The following CLU variants were observed in gnomAD, a reference collection of about 807,000 sequenced individuals.
The protein encoded by CLU is aging-associated protein 4.
A neutral mutation model predicts 46.4 loss-of-function variants in CLU; 25 were observed. The observed-to-expected ratio is 0.54, with a 90% confidence interval of 0.39 to 0.75. CLU has a LOEUF of 0.75. Ranked by LOEUF, CLU falls within the 30% of genes least tolerant of loss-of-function variation. The pLI is 0.00. For synonymous variants in CLU, 235 were observed against 235.1 expected, an observed-to-expected ratio of 1.00 and a Z score of 0.00; for missense variants, 504 against 592.1, an observed-to-expected ratio of 0.85 and a Z score of 1.54.
rs201024088 is a variant in CLU, at chr8:27,599,817, G to A, written c.1127C>T (p.Thr376Met). The part of the protein sequence containing the change: ...FNWVSRLANL[T>M]QGEDQYYLRV... Reference sequence around the variant, plus strand: ...CAGATAGTACTGGTCTTCGCCTTGCGTGAGGTTTGCCAGCCGGGACACCCA... The same window carrying A: ...CAGATAGTACTGGTCTTCGCCTTGCATGAGGTTTGCCAGCCGGGACACCCA... Residue 376 changes from threonine to methionine, a missense_variant, in exon 7 of 9, where the codon ACG becomes ATG. Transcript: ENST00000316403. This position sits in a 1 kb window ranked among gnomAD's most constrained non-coding sequence, Gnocchi z 4.0. 1.4e-5 allele frequency: 23 copies of A among 1,613,822 alleles called. No individual in the cohort carries two copies. Among genetic ancestry groups the A allele is most frequent in the African/African-American group, 8.0e-5 (6 of 75,044 alleles).
At chr8:27,598,664 CT>C (rs1257683721) in intron 7 of CLU, 29 bp from the exon 8 acceptor site, 15 of 1,610,006 alleles carry the variant, frequency 9.3e-6, no homozygotes, top group Non-Finnish European at 1.2e-5. Context: ...AAGGGAAGAG[CT>C]GAAACACTGT....
rs780858365 is a variant in CLU, at chr8:27,608,920, G to A, written c.246+18C>T. 3 of 1,613,894 alleles carry A rather than the reference G, an allele frequency of 1.9e-6. No individual in the cohort carries two copies. Among genetic ancestry groups the A allele is most frequent in the African/African-American group, 1.3e-5 (1 of 74,928 alleles). On this transcript the variant is annotated intron_variant, in intron 3 of 8. Coordinates refer to ENST00000316403, the MANE Select transcript of CLU (RefSeq NM_001831.4). ...GTGGGATGGTCAAGGCAGGGAGGCG[G>A]TAGCGGCTCCTCCTGACCTCTTTCT...
chr8:27,608,841 G>A (rs1410806232), intron 3 of CLU, 97 bp downstream of exon 3: 2 of 1,339,390 alleles, frequency 1.5e-6, no homozygotes, highest in African/African-American at 1.4e-5. Context: ...AGGACTGCGG[G>A]TCACCATGGC....
At chr8:27,613,005 C>T (rs912527898) in intron 1 of CLU, among the ~76,000 whole-genome samples, 1 of 151,566 alleles carries the variant, frequency 6.6e-6, no homozygotes, top group Non-Finnish European at 1.5e-5. Context: ...TTGGGAGCAA[C>T]TCCCCTCCAG....
intron 4 of CLU, 69 bp from the exon 5 acceptor site, chr8:27,605,404 C>G (rs987020452): frequency 3.2e-6 from 5 of 1,558,358 alleles, no homozygotes; most frequent in Non-Finnish European, 3.5e-6. Context: ...CCTCCCACCC[C>G]CTGGTGAGCC....
In CLU at chr8:27,598,045, T is replaced by A; in HGVS notation, c.*196A>T. On this transcript the variant is annotated 3_prime_UTR_variant, in exon 9 of 9. Coordinates refer to ENST00000316403, the MANE Select transcript of CLU (RefSeq NM_001831.4). Reference sequence around the variant, plus strand: ...AATTAGTTGCATGCAGGAGCAATTCTGTTCTTCCCATGAGCAGCAGAGTCG... The same window carrying A: ...AATTAGTTGCATGCAGGAGCAATTCAGTTCTTCCCATGAGCAGCAGAGTCG... 1.4e-6 allele frequency: 1 copy of A among 706,630 alleles called. No homozygotes were observed. The highest frequency in any genetic ancestry group is 2.6e-6 in the Non-Finnish European group (1 of 384,146). The allele number at this position is 706,630 out of a possible 1,614,324, so 43.8% of individuals were successfully genotyped here.
At chr8:27,600,160 A>C (rs1800695065) in intron 6 of CLU, 151 bp from the exon 7 acceptor site, 1 of 682,476 alleles carries the variant, frequency 1.5e-6, no homozygotes, top group African/African-American at 1.8e-5. Context: ...TGTCCACGAC[A>C]AAATAAAGGT....
In CLU at chr8:27,598,717, A is replaced by T. The variant is rs370474190; in HGVS notation, c.1165-82T>A. The T allele has an allele frequency of 1.2e-5, 17 of 1,375,460 alleles. No homozygotes were observed. The South Asian group carries it at 1.5e-4, about 12-fold the overall frequency. 85.2% of individuals were successfully genotyped at this position (1,375,460 alleles called of 1,614,324 possible). ...CTCTGCAACAGAAGTCAGGCTTCTG[A>T]TAAGGAAGTCCTCCTGCTTCTCCAA... On this transcript the variant is annotated intron_variant, in intron 7 of 8. Coordinates refer to ENST00000316403, the MANE Select transcript of CLU (RefSeq NM_001831.4).
At chr8:27,612,207 G>A (rs1038453521) in intron 1 of CLU, among the ~76,000 whole-genome samples, 1 of 152,144 alleles carries the variant, frequency 6.6e-6, no homozygotes, top group Non-Finnish European at 1.5e-5. Flanking sequence ...AGCCCAGAGA[G>A]GGCATGGGAC....
Position 27,598,212 on chromosome 8 carries a change from C to A in CLU, c.*29G>T. On this transcript the variant is annotated 3_prime_UTR_variant, in exon 9 of 9. Transcript: ENST00000316403. ...TTGGGGGGAGCTGGACTCAGATGCC[C>A]CCGTAGGTGCAAAAGCAACATCCAC... 6.2e-7 allele frequency: 1 copy of A among 1,612,958 alleles called. No individual in the cohort carries two copies. The highest frequency in any genetic ancestry group is 2.2e-5 in the East Asian group (1 of 44,870).
chr8:27,610,249 G>GAAATGCCTGC (rs1359816805), intron 2 of CLU, among the ~76,000 whole-genome samples: 1 of 152,162 alleles, frequency 6.6e-6, no homozygotes, highest in Non-Finnish European at 1.5e-5. Flanking sequence ...AAGTGCTTGG[G>GAAATGCCTGC]AAATGCCTGC....
intron 8 of CLU, 43 bp downstream of exon 8, chr8:27,598,417 T>A: frequency 6.2e-7 from 1 of 1,612,176 alleles, no homozygotes; most frequent in Non-Finnish European, 8.5e-7. Context: ...TCCCAGAGAC[T>A]CACTGGGCCC....
chr8:27,611,388 T>A (rs1406199418), intron 1 of CLU: 2 of 456,742 alleles, frequency 4.4e-6, no homozygotes, highest in Non-Finnish European at 8.8e-6. Context: ...CCCTCCACAC[T>A]GCCCATCCCC....
chr8:27,599,519 GCAGT>G lies in CLU; in HGVS notation c.1164+257_1164+260del. Reference sequence around the variant, plus strand: ...AACAAAATACAGGCTTGGCAGCCAGGCAGTCAGGTTCAAATACCCGTCCAAGTCA... The same window carrying G: ...AACAAAATACAGGCTTGGCAGCCAGGCAGGTTCAAATACCCGTCCAAGTCA... On this transcript the variant is annotated intron_variant, in intron 7 of 8. Coordinates refer to ENST00000316403, the MANE Select transcript of CLU (RefSeq NM_001831.4). This position sits in a 1 kb window ranked among gnomAD's most constrained non-coding sequence, Gnocchi z 4.0. 2.0e-6 allele frequency: 1 copy of G among 503,850 alleles called. No homozygotes were observed. Among genetic ancestry groups the G allele is most frequent in the Non-Finnish European group, 3.6e-6 (1 of 278,020 alleles). The allele number at this position is 503,850 out of a possible 1,614,324, so 31.2% of individuals were successfully genotyped here.
chr8:27,598,107 G>A lies in CLU; in HGVS notation c.*134C>T. ...GCAGGATCCAGAGCGGGGAGAGGCT[G>A]GGCGGAGTTGGGGGCCTGGAGGCTG... On this transcript the variant is annotated 3_prime_UTR_variant, in exon 9 of 9. Coordinates refer to ENST00000316403, the MANE Select transcript of CLU (RefSeq NM_001831.4). The A allele has an allele frequency of 1.3e-6, 1 of 791,416 alleles. No homozygotes were observed. The highest frequency in any genetic ancestry group is 2.2e-6 in the Non-Finnish European group (1 of 450,658). 49.0% of individuals were successfully genotyped at this position (791,416 alleles called of 1,614,324 possible).
intron 2 of CLU, 145 bp from the exon 3 acceptor site, chr8:27,609,231 T>C: frequency 1.2e-6 from 1 of 862,972 alleles, no homozygotes; most frequent in South Asian, 1.4e-5. Context: ...GGCAGCAGCA[T>C]GGCCCCAGCC....
chr8:27,608,259 T>A (rs1272578124), intron 3 of CLU, among the ~76,000 whole-genome samples: 1 of 152,234 alleles, frequency 6.6e-6, no homozygotes, highest in East Asian at 1.9e-4. Context: ...TTACACAGGT[T>A]TCTTTACGGC....
intron 1 of CLU, among the ~76,000 whole-genome samples, chr8:27,612,257 G>A (rs758907849): frequency 3.3e-4 from 50 of 152,180 alleles, no homozygotes; most frequent in African/African-American, 1.1e-3. Context: ...ACCCTGGGAT[G>A]AGAGCCCAGC....
rs1800685202 is a variant in CLU at position 27,599,820 on chromosome 8, A to T, written c.1124T>A (p.Leu375His). 6.2e-7 allele frequency: 1 copy of T among 1,613,866 alleles called. No homozygotes were observed. The highest frequency in any genetic ancestry group is 8.5e-7 in the Non-Finnish European group (1 of 1,179,890). ...ATAGTACTGGTCTTCGCCTTGCGTG[A>T]GGTTTGCCAGCCGGGACACCCAGTT... ...QFNWVSRLAN[L>H]TQGEDQYYLR... Residue 375 changes from leucine to histidine, a missense_variant, in exon 7 of 9, where the codon CTC becomes CAC. Transcript: ENST00000316403. The surrounding 1 kb of genome is among the most constrained non-coding windows in gnomAD (Gnocchi z 4.0).
Sources: allele counts gnomAD v4.1 joint callset (sites outside exome capture counted in the v4.1 genomes callset), GRCh38; gene constraint gnomAD v4.1.1; non-coding constraint Gnocchi (gnomAD v3.1); transcripts MANE v1.5; gene names NCBI Gene and HGNC (gene_info 2026-07-23, HGNC 2026-07-21).